MSR1: variants seen among roughly 807,000 people sequenced by gnomAD.
The protein encoded by MSR1 is macrophage scavenger receptor types I and II.
In MSR1, 53 loss-of-function variants were observed where a neutral mutation model predicts 47.2. The ratio of observed to expected loss-of-function variants is 1.12; its 90% confidence interval spans 0.90 to 1.41. The LOEUF (loss-of-function observed/expected upper bound fraction) is 1.41, where lower values mean the gene tolerates loss of function less well. Among genes scored for constraint, MSR1 ranks in the 40% most tolerant of loss-of-function variants. The pLI is 0.00. For missense variants in MSR1, 786 were observed against 546.9 expected (o/e 1.44, Z -4.36); for synonymous variants, 239 against 185.6 (o/e 1.29, Z -2.34).
intron 7 of MSR1, among the ~76,000 whole-genome samples, chr8:16,147,421 T>C (rs957134083): frequency 6.6e-6 from 1 of 151,896 alleles, no homozygotes; most frequent in African/African-American, 2.4e-5. Flanking sequence ...TAGAAGAAAA[T>C]AGATGGAGGA....
Position 16,164,227 on chromosome 8 carries a change from C to G in MSR1, c.655G>C (p.Val219Leu). 3 of 1,611,962 alleles carry G rather than the reference C, an allele frequency of 1.9e-6. No homozygotes were observed. The highest frequency in any genetic ancestry group is 2.5e-6 in the Non-Finnish European group (3 of 1,178,878). The change falls in exon 5 of 10, where the codon GTT becomes CTT. Residue 219 changes from valine to leucine, a missense_variant. By Grantham distance (32) the Val-to-Leu change is conservative. Transcript: ENST00000262101. Reference sequence around the variant, plus strand: ...ATAATTTCTGCTGATACATTGTAAACACGCTCCTCTAATTTACTGATTTCC... The same window carrying G: ...ATAATTTCTGCTGATACATTGTAAAGACGCTCCTCTAATTTACTGATTTCC... ...QEEISKLEER[V>L]YNVSAEIMAM...
intron 1 of MSR1, among the ~76,000 whole-genome samples, chr8:16,181,839 G>A (rs1431552023): frequency 1.3e-5 from 2 of 151,896 alleles, no homozygotes; most frequent in East Asian, 3.9e-4. Flanking sequence ...ATAGTTTAAG[G>A]CAATTGGAAC....
chr8:16,183,181 G>A (rs755212124), intron 1 of MSR1, among the ~76,000 whole-genome samples: 1 of 152,000 alleles, frequency 6.6e-6, no homozygotes, highest in Non-Finnish European at 1.5e-5. Context: ...TTCTCCACAT[G>A]TTTGATTATG....
At chr8:16,113,873 G>C (rs1799817240) in intron 9 of MSR1, among the ~76,000 whole-genome samples, 1 of 151,788 alleles carries the variant, frequency 6.6e-6, no homozygotes. Flanking sequence ...CATGAATCTT[G>C]ACCCTTCTTC....
chr8:16,170,317 C>T (rs941470300), intron 3 of MSR1, among the ~76,000 whole-genome samples: 6 of 150,848 alleles, frequency 4.0e-5, no homozygotes, highest in Non-Finnish European at 8.8e-5. Flanking sequence ...CACTGCACTC[C>T]AGCCTGGGCA....
At chr8:16,119,543 T>C (rs543195008) in intron 9 of MSR1, among the ~76,000 whole-genome samples, 1 of 152,068 alleles carries the variant, frequency 6.6e-6, no homozygotes, top group Non-Finnish European at 1.5e-5. Context: ...GAAAATTATT[T>C]TAGGTAAAAT....
intron 7 of MSR1, among the ~76,000 whole-genome samples, chr8:16,144,059 T>C (rs1228216825): frequency 6.6e-6 from 1 of 152,066 alleles, no homozygotes; most frequent in Non-Finnish European, 1.5e-5. Context: ...AATGACTTTC[T>C]GGGAGTGTTG....
In MSR1 at chr8:16,141,170, T is replaced by C. The variant is rs1800547362; in HGVS notation, c.1033+2388A>G. 16 of 1,073,714 alleles carry C rather than the reference T, an allele frequency of 1.5e-5. No homozygotes were observed. In the South Asian group the frequency reaches 2.4e-4, roughly 16 times the overall value. 66.5% of individuals were successfully genotyped at this position (1,073,714 alleles called of 1,614,324 possible). Reference sequence around the variant, plus strand: ...TTCACATACCACCATTAACTACAGATGTGGGGAATCAGGCACTTTCATACA... The same window carrying C: ...TTCACATACCACCATTAACTACAGACGTGGGGAATCAGGCACTTTCATACA... On this transcript the variant is annotated intron_variant, in intron 8 of 9. Coordinates refer to ENST00000262101, the MANE Select transcript of MSR1 (RefSeq NM_138715.3).
chr8:16,183,123 C>T (rs383836), intron 1 of MSR1, among the ~76,000 whole-genome samples: 23,827 of 152,048 alleles, frequency 0.16, 2,569 homozygotes, highest in African/African-American at 0.29. Context: ...TTATGTAGTG[C>T]ATGTCTATAA....
chr8:16,150,296 T>A lies in MSR1; in HGVS notation c.914A>T (p.Lys305Ile). Residue 305 changes from lysine (K) to isoleucine (I), a missense_variant, in exon 7 of 10, where the codon AAA becomes ATA. By Grantham distance (102) the Lys-to-Ile change is moderately radical. Transcript: ENST00000262101. ...AAAGCCAATTGCTCCCCGATCACCTTTAAGACCCGGAGGACCTACATTATT... is the reference window on the plus strand; with the variant it reads ...AAAGCCAATTGCTCCCCGATCACCTATAAGACCCGGAGGACCTACATTATT... ...FPGPIGPPGLKGDRGAIGFPG... is the reference protein window; with the variant it reads ...FPGPIGPPGLIGDRGAIGFPG... 4 of 1,576,612 alleles carry A rather than the reference T, an allele frequency of 2.5e-6. No homozygotes were observed.
chr8:16,192,071 A>C (rs146898228), intron 1 of MSR1, among the ~76,000 whole-genome samples: 9 of 152,122 alleles, frequency 5.9e-5, no homozygotes, highest in South Asian at 4.1e-4. Flanking sequence ...TCCGGAGCAC[A>C]AAAAGAACTA....
In MSR1 at chr8:16,126,354, T is replaced by C. The variant is rs1054611531; in HGVS notation, c.1034-5748A>G. 8.5e-5 allele frequency among the ~76,000 whole-genome samples: 13 copies of C among 152,170 alleles called. 1 individual carries two copies. Among genetic ancestry groups the C allele is most frequent in the South Asian group, 6.2e-4 (3 of 4,828 alleles). Reference sequence around the variant, plus strand: ...GAGCATAACAGTTATTATCCTATTGTTTACTCATAGTCATGATTTCCTTTT... The same window carrying C: ...GAGCATAACAGTTATTATCCTATTGCTTACTCATAGTCATGATTTCCTTTT... On this transcript the variant is annotated intron_variant, in intron 8 of 9. Coordinates refer to ENST00000262101, the MANE Select transcript of MSR1 (RefSeq NM_138715.3).
chr8:16,113,888 TCCCACCCACC>T (rs1799818100), intron 9 of MSR1, among the ~76,000 whole-genome samples: 1 of 74,232 alleles, frequency 1.3e-5, no homozygotes. Context: ...TTCTTCCCAC[TCCCACCCACC>T]CCCAACCACC....
intron 9 of MSR1, 45 bp downstream of exon 9, chr8:16,120,373 T>G: frequency 6.2e-7 from 1 of 1,603,172 alleles, no homozygotes; most frequent in Non-Finnish European, 8.5e-7. Context: ...TGAGACTCTG[T>G]CTGAAACAAC....
intron 1 of MSR1, among the ~76,000 whole-genome samples, chr8:16,179,879 CA>C (rs58441043): frequency 1.3e-3 from 103 of 80,956 alleles, no homozygotes; most frequent in African/African-American, 4.4e-3. Flanking sequence ...CCCTGTGTCT[CA>C]AAAAAAAAAA....
rs12678016 is a variant in MSR1 at position 16,109,955 on chromosome 8, T to C, written c.*130A>G. 75,856 of 1,080,762 alleles carry C rather than the reference T, an allele frequency of 0.07. 3,674 individuals are homozygous for C. Among genetic ancestry groups the C allele is most frequent in the African/African-American group, 0.16 (10,285 of 63,774 alleles). The allele number at this position is 1,080,762 out of a possible 1,614,324, so 66.9% of individuals were successfully genotyped here. On this transcript the variant is annotated 3_prime_UTR_variant, in exon 10 of 10. Transcript: ENST00000262101. ...ATGAAGGTGTTCAATATATTAATCC[T>C]GTAATCTAAAATATTATTTGGGCAA...
intron 3 of MSR1, among the ~76,000 whole-genome samples, chr8:16,174,780 T>C (rs34744197): frequency 0.046 from 6,973 of 151,102 alleles, 503 homozygotes; most frequent in African/African-American, 0.15. Context: ...GACAACAGGC[T>C]TTTTTTTTAT....
Position 16,164,188 on chromosome 8 carries a change from C to T in MSR1, c.694G>A (p.Glu232Lys). 2 of 1,612,238 alleles carry T rather than the reference C, an allele frequency of 1.2e-6. No homozygotes were observed. The highest frequency in any genetic ancestry group is 1.7e-4 in the Middle Eastern group (1 of 6,056). ...ATTTCCTGTTCCAAATGCACTTGTT[C>T]TTCTTTCATAGCCATAATTTCTGCT... is the stretch of plus-strand genomic sequence containing the variant. The part of the protein sequence containing the change: ...VSAEIMAMKE[E>K]QVHLEQEIKG... The change falls in exon 5 of 10, where the codon GAA becomes AAA. Residue 232 changes from glutamate to lysine, a missense_variant. By Grantham distance (56) the Glu-to-Lys change is moderately conservative. Coordinates refer to ENST00000262101, the MANE Select transcript of MSR1 (RefSeq NM_138715.3).
chr8:16,158,029 T>C (rs1484230984), intron 5 of MSR1, among the ~76,000 whole-genome samples: 1 of 151,806 alleles, frequency 6.6e-6, no homozygotes, highest in Non-Finnish European at 1.5e-5. Flanking sequence ...CAAAATTTTG[T>C]TCCATACTGA....
Sources: gnomAD v4.1 joint callset for allele counts (sites outside exome capture counted in the v4.1 genomes callset) on GRCh38, gnomAD v4.1.1 for gene constraint, MANE v1.5 for transcripts, NCBI Gene and HGNC (gene_info 2026-07-23, HGNC 2026-07-21) for gene names.